The following ARHGAP42 variants were observed in gnomAD, a reference collection of about 807,000 sequenced individuals.
ARHGAP42 encodes the protein rho GTPase-activating protein 42.
In ARHGAP42, 63 loss-of-function variants were observed where a neutral mutation model predicts 125.0. That is an observed-to-expected ratio of 0.50 (90% CI 0.41 to 0.62). ARHGAP42 has a LOEUF of 0.62. Among genes scored for constraint, ARHGAP42 ranks in the 20% least tolerant of loss-of-function variants. The probability of loss-of-function intolerance (pLI) is 0.00; values close to 1 mark genes in which losing one functional copy is unlikely to be tolerated. For missense variants in ARHGAP42, 766 were observed against 1,024.2 expected (o/e 0.75, Z 3.44); for synonymous variants, 339 against 351.0 (o/e 0.97, Z 0.38).
At chr11:100,714,780 A>G (rs1247543250) in intron 1 of ARHGAP42, among the ~76,000 whole-genome samples, 1 of 152,114 alleles carries the variant, frequency 6.6e-6, no homozygotes, top group Non-Finnish European at 1.5e-5. Context: ...CTATAATCCC[A>G]GCACTTTTGG....
chr11:100,868,290 C>T (rs757784549), intron 4 of ARHGAP42, among the ~76,000 whole-genome samples: 4 of 152,150 alleles, frequency 2.6e-5, no homozygotes, highest in Non-Finnish European at 5.9e-5. Flanking sequence ...TTGTAGTTCC[C>T]TTTGTTATAA....
At chr11:100,711,152 G>A (rs779983667) in intron 1 of ARHGAP42, among the ~76,000 whole-genome samples, 1 of 152,128 alleles carries the variant, frequency 6.6e-6, no homozygotes, top group Non-Finnish European at 1.5e-5. Flanking sequence ...TAACACTTTG[G>A]TCATTATTTT....
chr11:100,709,237 A>C (rs1008488228), intron 1 of ARHGAP42, among the ~76,000 whole-genome samples: 1 of 152,060 alleles, frequency 6.6e-6, no homozygotes, highest in African/African-American at 2.4e-5. Context: ...ACGGCGTTTC[A>C]CCATGTTGGC....
chr11:100,690,961 A>G (rs1014073432), intron 1 of ARHGAP42, among the ~76,000 whole-genome samples: 1 of 152,176 alleles, frequency 6.6e-6, no homozygotes, highest in African/African-American at 2.4e-5. Flanking sequence ...TGGTTAATTA[A>G]GTGTATCGAC....
rs1858867942 is a variant in ARHGAP42 at position 100,992,613 on chromosome 11, C to T, written c.*3812C>T. The stretch of plus-strand genomic sequence containing the variant: ...AATTTCCTGAACACATTCACTGTAT[C>T]CCTCATTGTCACCGTTATCCCCCTG... On this transcript the variant is annotated 3_prime_UTR_variant, in exon 24 of 24. Transcript: ENST00000298815. 5 of 1,613,894 alleles carry T rather than the reference C, an allele frequency of 3.1e-6. No individual in the cohort carries two copies. Among genetic ancestry groups the T allele is most frequent in the Non-Finnish European group, 4.2e-6 (5 of 1,179,942 alleles).
chr11:100,813,696 TA>T (rs1195844689), intron 3 of ARHGAP42, among the ~76,000 whole-genome samples: 3 of 152,228 alleles, frequency 2.0e-5, no homozygotes, highest in Non-Finnish European at 4.4e-5. Flanking sequence ...TTTGCTCTTG[TA>T]AGTAGACTTA....
At chr11:100,691,548 A>T (rs913435360) in intron 1 of ARHGAP42, among the ~76,000 whole-genome samples, 1 of 152,150 alleles carries the variant, frequency 6.6e-6, no homozygotes, top group Admixed American at 6.5e-5. Flanking sequence ...ATTTTGAGAC[A>T]GGGTCACTCT....
intron 4 of ARHGAP42, 94 bp downstream of exon 4, chr11:100,859,719 T>C: frequency 4.1e-6 from 4 of 987,588 alleles, no homozygotes; most frequent in Non-Finnish European, 5.7e-6. Context: ...TAGAATGACC[T>C]TTTAAAAGAT....
At position 100,837,666 on chromosome 11, in the gene ARHGAP42, CTTTTTT is replaced by C. The variant is rs373059302; in HGVS notation, c.313-21862_313-21857del. Among the ~76,000 whole-genome samples the C allele has an allele frequency of 2.1e-3, 129 of 61,020 alleles. 2 individuals are homozygous for C. The highest frequency in any genetic ancestry group is 5.9e-3 in the African/African-American group (84 of 14,180). 40.0% of individuals were successfully genotyped at this position (61,020 alleles called of 152,430 possible). On this transcript the variant is annotated intron_variant, in intron 3 of 23. Transcript: ENST00000298815. Reference sequence around the variant, plus strand: ...CAGTTCCCAGAATCTAGGTGTCATCCTTTTTTTTTTTTTTTTTTTTTTTTTTTTTTT... The same window carrying C: ...CAGTTCCCAGAATCTAGGTGTCATCCTTTTTTTTTTTTTTTTTTTTTTTTT...
chr11:100,698,869 T>C (rs1861339969), intron 1 of ARHGAP42, among the ~76,000 whole-genome samples: 1 of 152,192 alleles, frequency 6.6e-6, no homozygotes, highest in Non-Finnish European at 1.5e-5. Flanking sequence ...TGTTGACATA[T>C]GAGCTAAGAG....
At chr11:100,938,209 C>T (rs1157445629) in intron 8 of ARHGAP42, among the ~76,000 whole-genome samples, 1 of 152,094 alleles carries the variant, frequency 6.6e-6, no homozygotes, top group Non-Finnish European at 1.5e-5. Flanking sequence ...TACCTTCTCT[C>T]CATCTCAACT....
intron 4 of ARHGAP42, among the ~76,000 whole-genome samples, chr11:100,880,188 T>G (rs1486861093): frequency 6.6e-6 from 1 of 152,218 alleles, no homozygotes; most frequent in Non-Finnish European, 1.5e-5. Flanking sequence ...GGTGAGATTT[T>G]GGTGCATCCA....
intron 3 of ARHGAP42, among the ~76,000 whole-genome samples, chr11:100,846,134 A>C (rs952449858): frequency 2.6e-5 from 4 of 152,184 alleles, no homozygotes; most frequent in Non-Finnish European, 5.9e-5. Context: ...AGAAGTAAAA[A>C]GTTAATGAGG....
chr11:100,820,559 A>G (rs1337315840), intron 3 of ARHGAP42, among the ~76,000 whole-genome samples: 1 of 152,162 alleles, frequency 6.6e-6, no homozygotes, highest in African/African-American at 2.4e-5. Context: ...TGGTTAAGTG[A>G]GGCTTATTAT....
At chr11:100,740,066 A>AT (rs34223817) in intron 1 of ARHGAP42, among the ~76,000 whole-genome samples, 43,372 of 143,368 alleles carry the variant, frequency 0.3, 6,600 homozygotes, top group African/African-American at 0.34. Flanking sequence ...TATTAGTACA[A>AT]TTTTTTTTTT....
At chr11:100,953,261 T>C (rs1248346517) in intron 12 of ARHGAP42, among the ~76,000 whole-genome samples, 3 of 152,092 alleles carry the variant, frequency 2.0e-5, no homozygotes, top group African/African-American at 7.2e-5. Context: ...CTTCGAAGAG[T>C]ACTCATTTAT....
intron 3 of ARHGAP42, among the ~76,000 whole-genome samples, chr11:100,801,101 G>A (rs1863839722): frequency 6.6e-6 from 1 of 152,162 alleles, no homozygotes; most frequent in African/African-American, 2.4e-5. Flanking sequence ...TGAACATTAT[G>A]TCTGTACTCA....
intron 1 of ARHGAP42, among the ~76,000 whole-genome samples, chr11:100,768,037 T>C (rs1182570271): frequency 6.6e-6 from 1 of 152,098 alleles, no homozygotes; most frequent in Non-Finnish European, 1.5e-5. Context: ...CCCACGTTGA[T>C]AGGTACTTGG....
At chr11:100,726,538 G>A (rs1861865052) in intron 1 of ARHGAP42, among the ~76,000 whole-genome samples, 1 of 152,202 alleles carries the variant, frequency 6.6e-6, no homozygotes, top group South Asian at 2.1e-4. Context: ...TGCAATGACA[G>A]TTACCATTTT....
Sources: allele counts gnomAD v4.1 joint callset (sites outside exome capture counted in the v4.1 genomes callset), GRCh38; gene constraint gnomAD v4.1.1; transcripts MANE v1.5; gene names NCBI Gene and HGNC (gene_info 2026-07-23, HGNC 2026-07-21).